DACH1: variants seen among roughly 807,000 people sequenced by gnomAD.
The protein encoded by DACH1 is dachshund homolog 1.
A neutral mutation model predicts 54.2 loss-of-function variants in DACH1; 12 were observed. The ratio of observed to expected loss-of-function variants is 0.22; its 90% CI spans 0.14 to 0.36. The LOEUF is 0.36. Ranked by LOEUF, DACH1 falls within the 10% of genes least tolerant of loss-of-function variation. The probability of loss-of-function intolerance (pLI) is 1.00; values close to 1 mark genes in which losing one functional copy is unlikely to be tolerated. For missense variants in DACH1, 805 were observed against 929.8 expected (o/e 0.87, Z 1.75); for synonymous variants, 386 against 366.2 (o/e 1.05, Z -0.62).
At position 71,466,069 on chromosome 13, in the gene DACH1, G is replaced by A. The variant is rs142173751; in HGVS notation, c.2083+9072C>T. ...TTCCTTAAATTTCTAAATTCCCCAA[G>A]TTTATTTTGCATGTTTATACTGACC... On this transcript the variant is annotated intron_variant, in intron 10 of 10. Transcript: ENST00000613252. Among the ~76,000 whole-genome samples the A allele has an allele frequency of 5.8e-3, 879 of 152,106 alleles. 6 individuals are homozygous for A. Among genetic ancestry groups the A allele is most frequent in the East Asian group, 0.031 (160 of 5,168 alleles).
At chr13:71,448,845 T>A (rs1352783213) in intron 10 of DACH1, among the ~76,000 whole-genome samples, 1 of 151,256 alleles carries the variant, frequency 6.6e-6, no homozygotes, top group Non-Finnish European at 1.5e-5. Context: ...TTTTCAAGGT[T>A]GTAACTGGGG....
intron 7 of DACH1, among the ~76,000 whole-genome samples, chr13:71,486,425 A>G (rs1878509873): frequency 6.6e-6 from 1 of 152,182 alleles, no homozygotes; most frequent in African/African-American, 2.4e-5. Flanking sequence ...TTTATACTGT[A>G]TACCTAATAA....
intron 3 of DACH1, among the ~76,000 whole-genome samples, chr13:71,605,505 A>G (rs1297752226): frequency 6.6e-6 from 1 of 151,920 alleles, no homozygotes; most frequent in Non-Finnish European, 1.5e-5. Context: ...AACATAATGA[A>G]TGAATATACT....
chr13:71,793,308 T>C (rs73525494), intron 1 of DACH1, among the ~76,000 whole-genome samples: 1,548 of 152,272 alleles, frequency 0.01, 18 homozygotes, highest in African/African-American at 0.036. Flanking sequence ...GAAAGCTGCT[T>C]AACTATATCT....
intron 6 of DACH1, among the ~76,000 whole-genome samples, chr13:71,528,448 G>A (rs1299847274): frequency 6.5e-5 from 5 of 76,374 alleles, no homozygotes; most frequent in Non-Finnish European, 1.3e-4. Context: ...TTTTTTTTGA[G>A]ACTGAGTCTC....
chr13:71,819,106 A>T (rs979993966), intron 1 of DACH1, among the ~76,000 whole-genome samples: 6 of 152,160 alleles, frequency 3.9e-5, no homozygotes, highest in Admixed American at 1.3e-4. Flanking sequence ...GGGAGAGGAG[A>T]TCAACCAGTT....
Position 71,475,769 on chromosome 13 carries a change from G to T in DACH1, c.1951C>A (p.Arg651Ser), listed in dbSNP as rs1877464288. 3 of 1,613,366 alleles carry T rather than the reference G, an allele frequency of 1.9e-6. No homozygotes were observed. In the South Asian group the frequency reaches 3.3e-5, roughly 18 times the overall value. The change falls in exon 9 of 11, where the codon CGT becomes AGT. Residue 651 changes from arginine to serine, a missense_variant. Arg to Ser is a moderately radical substitution (Grantham distance 110, BLOSUM62 -1). Coordinates refer to ENST00000613252, the MANE Select transcript of DACH1 (RefSeq NM_080759.6). ...QEALEFETKR[R>S]EQAEQTLKQA... ...TTTAGCGTCTGTTCTGCTTGTTCAC[G>T]CCGTTTCGTCTCAAACTCAAGTGCT...
rs1555287267 is a variant in DACH1, at chr13:71,493,074, A to G, written c.1571-3926T>C. Among the ~76,000 whole-genome samples, 5 of 151,142 alleles carry G rather than the reference A, an allele frequency of 3.3e-5. No homozygotes were observed. In the South Asian group the frequency reaches 8.4e-4, roughly 25 times the overall value. On this transcript the variant is annotated intron_variant, in intron 6 of 10. Coordinates refer to ENST00000613252, the MANE Select transcript of DACH1 (RefSeq NM_080759.6). ...ATGTAGTAAGCACGAAGTGGCCTCT[A>G]AGAGGGACTGTGATGATTTCTTATC...
chr13:71,495,193 G>A lies in DACH1; in HGVS notation c.1571-6045C>T, dbSNP rs145862932. ...AAAGAGATTCACAATTATTCATTTC[G>A]AGTTGAAGTATACAGTATTATTAAA... On this transcript the variant is annotated intron_variant, in intron 6 of 10. Transcript: ENST00000613252. Among the ~76,000 whole-genome samples, 722 of 152,030 alleles carry A rather than the reference G, an allele frequency of 4.7e-3. 22 individuals are homozygous for A. Among genetic ancestry groups the A allele is most frequent in the Admixed American group, 0.041 (620 of 15,256 alleles).
chr13:71,824,129 T>C (rs1470358303), intron 1 of DACH1, among the ~76,000 whole-genome samples: 1 of 151,920 alleles, frequency 6.6e-6, no homozygotes, highest in Non-Finnish European at 1.5e-5. Context: ...ACGTTGAGAC[T>C]CTTCAACAGA....
chr13:71,564,948 G>A (rs979606924), intron 4 of DACH1, among the ~76,000 whole-genome samples: 10 of 151,844 alleles, frequency 6.6e-5, no homozygotes, highest in African/African-American at 1.5e-4. Flanking sequence ...TTGAGTCAGG[G>A]TCTTGCTCTG....
In DACH1 at chr13:71,669,574, C is replaced by A. The variant is rs561805123; in HGVS notation, c.964+12221G>T. Among the ~76,000 whole-genome samples the A allele has an allele frequency of 2.6e-5, 4 of 152,240 alleles. No homozygotes were observed. The East Asian group carries it at 7.7e-4, about 29-fold the overall frequency. ...ATCCCAAAACCATACTTCCCACCCA[C>A]CCCCATCAGTGGAAAAAATGTCTTC... On this transcript the variant is annotated intron_variant, in intron 2 of 10. Transcript: ENST00000613252.
intron 6 of DACH1, among the ~76,000 whole-genome samples, chr13:71,517,188 G>A (rs1013450227): frequency 1.3e-3 from 200 of 151,802 alleles, no homozygotes; most frequent in African/African-American, 4.8e-3. Flanking sequence ...AGATTTTATG[G>A]CCACTGTTGG....
chr13:71,737,850 G>T (rs1402968902), intron 1 of DACH1, among the ~76,000 whole-genome samples: 6 of 152,106 alleles, frequency 3.9e-5, no homozygotes, highest in Non-Finnish European at 1.5e-5. Flanking sequence ...AAGGATTCAG[G>T]GAGCAAAGTC....
intron 1 of DACH1, among the ~76,000 whole-genome samples, chr13:71,692,465 ATTTC>A (rs1178107764): frequency 3.0e-5 from 2 of 67,440 alleles, no homozygotes; most frequent in Admixed American, 1.4e-4. Flanking sequence ...TGCCTGTGTT[ATTTC>A]TTTCTTTCTT....
At chr13:71,502,440 C>T (rs1879996707) in intron 6 of DACH1, among the ~76,000 whole-genome samples, 1 of 152,176 alleles carries the variant, frequency 6.6e-6, no homozygotes. Flanking sequence ...CCACCCTACA[C>T]CTTATCAAAT....
chr13:71,674,324 A>C (rs1201689347), intron 2 of DACH1, among the ~76,000 whole-genome samples: 5 of 152,046 alleles, frequency 3.3e-5, no homozygotes, highest in Non-Finnish European at 5.9e-5. Flanking sequence ...ATATATTTAA[A>C]AAAATTATTT....
chr13:71,731,290 C>CTTTT (rs1201969481), intron 1 of DACH1, among the ~76,000 whole-genome samples: 4 of 131,058 alleles, frequency 3.1e-5, no homozygotes, highest in Admixed American at 7.7e-5. Flanking sequence ...TCTTGATCTT[C>CTTTT]TTTTTTTTTT....
chr13:71,779,180 C>T lies in DACH1; in HGVS notation c.848+86742G>A, dbSNP rs181495622. On this transcript the variant is annotated intron_variant, in intron 1 of 10. Coordinates refer to ENST00000613252, the MANE Select transcript of DACH1 (RefSeq NM_080759.6). ...ATACGTATATACGTATATATATACA[C>T]ATATATACGTATATACGTATATATG... Among the ~76,000 whole-genome samples the T allele has an allele frequency of 2.5e-3, 317 of 127,698 alleles. 7 individuals are homozygous for T. Among genetic ancestry groups the T allele is most frequent in the South Asian group, 8.5e-3 (36 of 4,224 alleles). 83.8% of individuals were successfully genotyped at this position (127,698 alleles called of 152,430 possible).
Sources: allele counts gnomAD v4.1 joint callset (sites outside exome capture counted in the v4.1 genomes callset), GRCh38; gene constraint gnomAD v4.1.1; transcripts MANE v1.5; gene names NCBI Gene and HGNC (gene_info 2026-07-23, HGNC 2026-07-21).